EXD3: variants seen among roughly 807,000 people sequenced by gnomAD.
EXD3 encodes the protein exonuclease 3'-5' domain containing 3, also known as exonuclease mut-7 homolog.
In EXD3, 92 loss-of-function variants were observed where a neutral mutation model predicts 98.0. That is an observed-to-expected ratio of 0.94 (90% CI 0.79 to 1.12). EXD3 has a LOEUF of 1.12. Ranked by LOEUF, EXD3 falls within the 50% of genes most tolerant of loss-of-function variation. The pLI, the probability that EXD3 is intolerant of heterozygous loss-of-function variation, is 0.00. For synonymous variants in EXD3, 569 were observed against 526.0 expected (o/e 1.08, Z -1.12); for missense variants, 1,222 against 1,191.6 (o/e 1.03, Z -0.38).
At chr9:137,318,820 C>G (rs1011739727) in intron 19 of EXD3, among the ~76,000 whole-genome samples, 1 of 152,196 alleles carries the variant, frequency 6.6e-6, no homozygotes, top group Non-Finnish European at 1.5e-5. Flanking sequence ...GGGGTCTCTG[C>G]TGAGTGGTGG....
In EXD3 at chr9:137,356,297, C is replaced by T. The variant is rs180687197; in HGVS notation, c.728G>A (p.Arg243His). The change falls in exon 8 of 22, where the codon CGT becomes CAT. Residue 243 changes from arginine to histidine, a missense_variant. Transcript: ENST00000340951. ...GGCTACGCCGTACCGCTCCTGCAGA[C>T]GCAAGACCTGCCTGCTCAGCGCCTT... Reference protein sequence around the residue: ...SPKALSRQVLRLQERYGVAPA... With the variant: ...SPKALSRQVLHLQERYGVAPA... The T allele has an allele frequency of 8.7e-4, 1,399 of 1,604,374 alleles. No individual in the cohort carries two copies. Among genetic ancestry groups the T allele is most frequent in the Admixed American group, 1.2e-3 (72 of 58,740 alleles).
chr9:137,418,016 G>A (rs905001315), intron 1 of EXD3, among the ~76,000 whole-genome samples: 1 of 152,080 alleles, frequency 6.6e-6, no homozygotes, highest in African/African-American at 2.4e-5. Context: ...GGGCTGGCAG[G>A]AGGTCTGTGC....
rs1331441650 is a variant in EXD3, at chr9:137,393,037, T to G, written c.55+2266A>C. The G allele has an allele frequency of 1.6e-6, 1 of 631,142 alleles. No homozygotes were observed. The highest frequency in any genetic ancestry group is 2.8e-6 in the Non-Finnish European group (1 of 351,238). The allele number at this position is 631,142 out of a possible 1,614,324, so 39.1% of individuals were successfully genotyped here. On this transcript the variant is annotated intron_variant, in intron 2 of 21. Coordinates refer to ENST00000340951, the MANE Select transcript of EXD3 (RefSeq NM_017820.5). The surrounding 1 kb of genome is among the most constrained non-coding windows in gnomAD (Gnocchi z 4.6). ...TGTCTGTTCCAGGGAGGGCCATTAG[T>G]GTTCCAGGGGGTGCTGAGGCTGTTC... is the stretch of plus-strand genomic sequence containing the variant.
At position 137,328,567 on chromosome 9, in the gene EXD3, C is replaced by G. The variant is rs927087883; in HGVS notation, c.1999-4424G>C. ...AAACGGGTCAAAGGGAAGAAACAGA[C>G]TAGTTACACAGGAGCTACACGGGAC... is the stretch of plus-strand genomic sequence containing the variant. On this transcript the variant is annotated intron_variant, in intron 17 of 21. Coordinates refer to ENST00000340951, the MANE Select transcript of EXD3 (RefSeq NM_017820.5). Among the ~76,000 whole-genome samples, 19 of 149,314 alleles carry G rather than the reference C, an allele frequency of 1.3e-4. 4 individuals are homozygous for G. The highest frequency in any genetic ancestry group is 2.5e-4 in the Non-Finnish European group (17 of 67,860).
In EXD3 at chr9:137,324,132, C is replaced by T. The variant is rs112868548; in HGVS notation, c.2010G>A (p.Gln670=). The change falls in exon 18 of 22, where the codon CAG becomes CAA. Residue 670 remains glutamine (Q), a synonymous_variant. Transcript: ENST00000340951. This position sits in a 1 kb window ranked among gnomAD's most constrained non-coding sequence, Gnocchi z 4.1. ...DHRRAAEVAR[Q]EGRIILTSGQ... ...CCGACGTCAGAATGATCCTCCCCTCCTGCCTGGCAACCTGTGTGGGAGGTG... is the reference window on the plus strand; with the variant it reads ...CCGACGTCAGAATGATCCTCCCCTCTTGCCTGGCAACCTGTGTGGGAGGTG... 2.1e-5 allele frequency: 33 copies of T among 1,582,464 alleles called. No individual in the cohort carries two copies. Among genetic ancestry groups the T allele is most frequent in the Non-Finnish European group, 2.7e-5 (32 of 1,165,004 alleles).
chr9:137,356,351 G>A lies in EXD3; in HGVS notation c.674C>T (p.Thr225Ile). 6.2e-7 allele frequency: 1 copy of A among 1,602,076 alleles called. No homozygotes were observed. The highest frequency in any genetic ancestry group is 8.5e-7 in the Non-Finnish European group (1 of 1,174,540). Residue 225 changes from threonine to isoleucine, a missense_variant, in exon 8 of 22, where the codon ACC becomes ATC. Physicochemically the swap from Thr to Ile is moderately conservative, Grantham distance 89. Transcript: ENST00000340951. ...KDVARRYPEV[T>I]SLSLEKLSPK... is the part of the protein sequence containing the mutation. ...ACTCAGCTTCTCCAGGCTCAAGGAG[G>A]TCACCTCAGGGTACCGTCTGTGGGG...
rs562452204 is a variant in EXD3, at chr9:137,341,137, G to A, written c.1998+6934C>T. ...TCAAGACCAGCCTGGACAACATAGC[G>A]AGATCCTGTCTCCATGAAACATTTT... is the stretch of plus-strand genomic sequence containing the variant. On this transcript the variant is annotated intron_variant, in intron 17 of 21. Transcript: ENST00000340951. 5.3e-5 allele frequency among the ~76,000 whole-genome samples: 8 copies of A among 152,310 alleles called. No homozygotes were observed. In the South Asian group the frequency reaches 8.3e-4, roughly 16 times the overall value.
chr9:137,329,747 CTACACGGGACTACACGGGGT>C (rs1832858215), intron 17 of EXD3, among the ~76,000 whole-genome samples: 1 of 34,562 alleles, frequency 2.9e-5, no homozygotes, highest in African/African-American at 1.3e-4. Flanking sequence ...TCACACGGGA[CTACACGGGACTACACGGGGT>C]CACACGGGAC....
rs1358868357 is a variant in EXD3 at position 137,393,867 on chromosome 9, G to A, written c.55+1436C>T. ...ACAAACTGAGGGCCTGCAGCCCAGG[G>A]CGAGGCGGCTGGGCCAGGGCCTTAC... On this transcript the variant is annotated intron_variant, in intron 2 of 21. Coordinates refer to ENST00000340951, the MANE Select transcript of EXD3 (RefSeq NM_017820.5). The surrounding 1 kb of genome is among the most constrained non-coding windows in gnomAD (Gnocchi z 4.6). Among the ~76,000 whole-genome samples, 1 of 152,160 alleles carries A rather than the reference G, an allele frequency of 6.6e-6. No homozygotes were observed. Among genetic ancestry groups the A allele is most frequent in the Non-Finnish European group, 1.5e-5 (1 of 68,002 alleles).
intron 17 of EXD3, among the ~76,000 whole-genome samples, chr9:137,343,830 C>T (rs1395415457): frequency 1.3e-4 from 20 of 149,598 alleles, no homozygotes; most frequent in South Asian, 1.1e-3. Flanking sequence ...CCTCGTGATC[C>T]GCCTGCCTCG....
chr9:137,323,587 C>T, intron 19 of EXD3, 138 bp downstream of exon 19: 3 of 1,279,330 alleles, frequency 2.3e-6, no homozygotes, highest in Non-Finnish European at 3.2e-6. Context: ...CGACACCTCA[C>T]CCTGGACCAC....
rs1837025426 is a variant in EXD3 at position 137,393,140 on chromosome 9, G to A, written c.55+2163C>T. ...GGCCATTAGTGTTCCAGGGGGCGCC[G>A]AGGCTGTTCCAGGGGCCCTGCTAGC... On this transcript the variant is annotated intron_variant, in intron 2 of 21. Transcript: ENST00000340951. This position sits in a 1 kb window ranked among gnomAD's most constrained non-coding sequence, Gnocchi z 4.6. 10 of 701,722 alleles carry A rather than the reference G, an allele frequency of 1.4e-5. No individual in the cohort carries two copies. Among genetic ancestry groups the A allele is most frequent in the African/African-American group, 5.2e-5 (3 of 57,228 alleles). The allele number at this position is 701,722 out of a possible 1,614,324, so 43.5% of individuals were successfully genotyped here.
intron 1 of EXD3, among the ~76,000 whole-genome samples, chr9:137,406,296 A>G (rs372055310): frequency 8.6e-5 from 13 of 151,624 alleles, no homozygotes; most frequent in East Asian, 5.8e-4. Context: ...AAAAGGAAAA[A>G]AAAAAGAAAA....
intron 1 of EXD3, among the ~76,000 whole-genome samples, 191 bp downstream of exon 1, chr9:137,422,923 G>A (rs1228373576): frequency 6.6e-6 from 1 of 152,062 alleles, no homozygotes; most frequent in African/African-American, 2.4e-5. Flanking sequence ...CTCCGGAGCG[G>A]GGCCCTGCGG....
At position 137,381,597 on chromosome 9, in the gene EXD3, C is replaced by G. The variant is rs143615026; in HGVS notation, c.120+1716G>C. 7.9e-3 allele frequency among the ~76,000 whole-genome samples: 1,207 copies of G among 152,208 alleles called. 27 individuals are homozygous for G. Among genetic ancestry groups the G allele is most frequent in the Admixed American group, 0.037 (573 of 15,292 alleles). Reference sequence around the variant, plus strand: ...CGTCTCCCAGGCTGCTCTCACCCGCCCGGTGTGCTGGCTCCTCTCTCACGT... The same window carrying G: ...CGTCTCCCAGGCTGCTCTCACCCGCGCGGTGTGCTGGCTCCTCTCTCACGT... On this transcript the variant is annotated intron_variant, in intron 3 of 21. Coordinates refer to ENST00000340951, the MANE Select transcript of EXD3 (RefSeq NM_017820.5).
intron 2 of EXD3, chr9:137,392,862 G>C (rs1837003409): frequency 2.1e-6 from 1 of 478,738 alleles, no homozygotes; most frequent in Non-Finnish European, 3.9e-6. Context: ...GGGGCACCGA[G>C]GCTGTTCCAG....
intron 5 of EXD3, 114 bp from the exon 6 acceptor site, chr9:137,368,103 C>G (rs1370708600): frequency 1.2e-6 from 1 of 843,416 alleles, no homozygotes; most frequent in Non-Finnish European, 1.9e-6. Flanking sequence ...GGCCGGAGTG[C>G]AGGGCCTTCC....
At chr9:137,397,202 G>C (rs1468251189) in intron 1 of EXD3, among the ~76,000 whole-genome samples, 1 of 152,248 alleles carries the variant, frequency 6.6e-6, no homozygotes, top group Non-Finnish European at 1.5e-5. Flanking sequence ...ACCATGCTGA[G>C]AGGAAGGCCT....
chr9:137,379,527 C>T (rs1354710114), intron 3 of EXD3, among the ~76,000 whole-genome samples: 5 of 151,034 alleles, frequency 3.3e-5, no homozygotes, highest in African/African-American at 7.3e-5. Flanking sequence ...GGGAATGGGG[C>T]GTCTGTGTGA....
Sources: allele counts gnomAD v4.1 joint callset (sites outside exome capture counted in the v4.1 genomes callset), GRCh38; gene constraint gnomAD v4.1.1; non-coding constraint Gnocchi (gnomAD v3.1); transcripts MANE v1.5; gene names NCBI Gene and HGNC (gene_info 2026-07-23, HGNC 2026-07-21).